The following ARID2 variants were observed in gnomAD, a reference collection of about 807,000 sequenced individuals.
ARID2 encodes AT-rich interactive domain-containing protein 2.
A neutral mutation model predicts 184.6 loss-of-function variants in ARID2; 32 were observed. That is an observed-to-expected ratio of 0.17 (90% CI 0.13 to 0.23). The LOEUF is 0.23. Ranked by LOEUF, ARID2 falls within the 10% of genes least tolerant of loss-of-function variation. The pLI is 1.00. For synonymous variants in ARID2, 836 were observed against 772.6 expected (o/e 1.08, Z -1.36); for missense variants, 1,696 against 2,197.6 (o/e 0.77, Z 4.56).
At chr12:45,879,210 C>G (rs965257995) in intron 16 of ARID2, among the ~76,000 whole-genome samples, 1 of 151,888 alleles carries the variant, frequency 6.6e-6, no homozygotes, top group Non-Finnish European at 1.5e-5. Context: ...TTTTTTTCTC[C>G]TGTGTAAGAC....
chr12:45,892,751 A>G (rs948510825), intron 18 of ARID2, among the ~76,000 whole-genome samples: 14 of 152,242 alleles, frequency 9.2e-5, no homozygotes, highest in Admixed American at 3.3e-4. Flanking sequence ...ATGATGCACT[A>G]TATCTGCTTG....
intron 3 of ARID2, among the ~76,000 whole-genome samples, chr12:45,747,895 T>G (rs1941389449): frequency 6.6e-6 from 1 of 152,152 alleles, no homozygotes; most frequent in Non-Finnish European, 1.5e-5. Context: ...AGGGTAAGAT[T>G]TGAGAGAGTA....
chr12:45,878,147 G>C (rs1374286151), intron 16 of ARID2, among the ~76,000 whole-genome samples: 1 of 152,010 alleles, frequency 6.6e-6, no homozygotes, highest in Non-Finnish European at 1.5e-5. Flanking sequence ...TTCTGTGAAG[G>C]TTTTTTTCTT....
At chr12:45,754,135 C>T (rs1011137759) in intron 3 of ARID2, among the ~76,000 whole-genome samples, 20 of 152,070 alleles carry the variant, frequency 1.3e-4, no homozygotes, top group African/African-American at 4.6e-4. Flanking sequence ...TTTCAAAAAA[C>T]AAACTGTTGA....
intron 3 of ARID2, among the ~76,000 whole-genome samples, chr12:45,740,129 A>G (rs1013636020): frequency 6.6e-6 from 1 of 152,224 alleles, no homozygotes; most frequent in African/African-American, 2.4e-5. Context: ...ACACCATTAA[A>G]GAGTCAAACT....
chr12:45,890,981 A>G (rs1009733287), intron 16 of ARID2, among the ~76,000 whole-genome samples: 2 of 152,102 alleles, frequency 1.3e-5, no homozygotes, highest in Non-Finnish European at 2.9e-5. Flanking sequence ...CCTGGCCAAC[A>G]TGGTGAAACC....
rs2138165760 is a variant in ARID2, at chr12:45,850,871, A to G, written c.2748A>G (p.Gln916=). ...VSSTVVQQPI[Q]QPQQPTQQSV... ...CTACAGTGGTACAGCAGCCTATTCA[A>G]CAACCACAGCAGCCAACCCAACAAA... The change falls in exon 15 of 21, where the codon CAA becomes CAG. Residue 916 remains glutamine, a synonymous_variant. Transcript: ENST00000334344. 5 of 1,614,142 alleles carry G rather than the reference A, an allele frequency of 3.1e-6. No homozygotes were observed. Among genetic ancestry groups the G allele is most frequent in the Non-Finnish European group, 4.2e-6 (5 of 1,180,014 alleles).
intron 2 of ARID2, 148 bp from the exon 3 acceptor site, chr12:45,731,069 T>C (rs529034574): frequency 6.6e-6 from 4 of 609,132 alleles, no homozygotes; most frequent in East Asian, 5.6e-5. Flanking sequence ...AAGAAGCCCT[T>C]GCTTAGTAAC....
intron 4 of ARID2, among the ~76,000 whole-genome samples, chr12:45,817,359 TAAA>T (rs574999558): frequency 1.3e-4 from 19 of 151,640 alleles, no homozygotes; most frequent in African/African-American, 4.1e-4. Flanking sequence ...TCTCAGAAAA[TAAA>T]AAAAGTGCAG....
chr12:45,762,206 C>T (rs1477716761), intron 3 of ARID2, among the ~76,000 whole-genome samples: 2 of 152,048 alleles, frequency 1.3e-5, no homozygotes, highest in African/African-American at 4.8e-5. Flanking sequence ...TCTTAAATAT[C>T]TCTTTAATTT....
At position 45,885,319 on chromosome 12, in the gene ARID2, A is replaced by G. The variant is rs116287808; in HGVS notation, c.4923-6461A>G. Among the ~76,000 whole-genome samples, 1,072 of 152,178 alleles carry G rather than the reference A, an allele frequency of 7.0e-3. 10 individuals carry two copies. The highest frequency in any genetic ancestry group is 0.024 in the African/African-American group (1,013 of 41,520). ...ATAGAGCCTTTTTTAAAACTAAAATATGTTTGCAGTATGAATTTTTTGGAT... is the reference window on the plus strand; with the variant it reads ...ATAGAGCCTTTTTTAAAACTAAAATGTGTTTGCAGTATGAATTTTTTGGAT... On this transcript the variant is annotated intron_variant, in intron 16 of 20. Coordinates refer to ENST00000334344, the MANE Select transcript of ARID2 (RefSeq NM_152641.4).
At chr12:45,863,878 C>T (rs1388677978) in intron 16 of ARID2, among the ~76,000 whole-genome samples, 1 of 128,566 alleles carries the variant, frequency 7.8e-6, no homozygotes, top group Non-Finnish European at 1.6e-5. Context: ...GAGACACAGT[C>T]TCACTATGTC....
Position 45,766,168 on chromosome 12 carries a change from T to G in ARID2, c.284+34854T>G, listed in dbSNP as rs535200162. Among the ~76,000 whole-genome samples the G allele has an allele frequency of 3.3e-5, 5 of 152,172 alleles. No individual in the cohort carries two copies. The South Asian group carries it at 6.2e-4, about 19-fold the overall frequency. On this transcript the variant is annotated intron_variant, in intron 3 of 20. Transcript: ENST00000334344. Reference sequence around the variant, plus strand: ...TATATTGGATATGTTAGGCATATATTTAACTTTTTTTTTTTTTGAGACAGA... The same window carrying G: ...TATATTGGATATGTTAGGCATATATGTAACTTTTTTTTTTTTTGAGACAGA...
At chr12:45,796,301 T>A (rs1201039428) in intron 3 of ARID2, among the ~76,000 whole-genome samples, 2 of 152,108 alleles carry the variant, frequency 1.3e-5, no homozygotes, top group African/African-American at 4.8e-5. Context: ...TATTAAGTAT[T>A]CTTTTACACC....
intron 20 of ARID2, 31 bp from the exon 21 acceptor site, chr12:45,904,903 G>T: frequency 6.2e-7 from 1 of 1,608,506 alleles, no homozygotes; most frequent in Non-Finnish European, 8.5e-7. Flanking sequence ...TGACCTTGGA[G>T]ACTGACAATC....
intron 3 of ARID2, among the ~76,000 whole-genome samples, chr12:45,736,083 G>A (rs902388515): frequency 1.3e-5 from 2 of 152,206 alleles, no homozygotes; most frequent in African/African-American, 2.4e-5. Context: ...GTGGCCGGGC[G>A]TGGTGGCTCA....
chr12:45,775,234 A>G (rs1941953636), intron 3 of ARID2, among the ~76,000 whole-genome samples: 1 of 152,212 alleles, frequency 6.6e-6, no homozygotes, highest in South Asian at 2.1e-4. Flanking sequence ...TGACAACCAG[A>G]ATGTCTAGCT....
chr12:45,791,239 C>A (rs1185120383), intron 3 of ARID2, among the ~76,000 whole-genome samples: 2 of 151,590 alleles, frequency 1.3e-5, no homozygotes. Flanking sequence ...TGTGTGGTAG[C>A]AGTCCTAATG....
At position 45,848,845 on chromosome 12, in the gene ARID2, T is replaced by C; in HGVS notation, c.1590T>C (p.Ala530=). 6.2e-7 allele frequency: 1 copy of C among 1,611,216 alleles called. No individual in the cohort carries two copies. Among genetic ancestry groups the C allele is most frequent in the Non-Finnish European group, 8.5e-7 (1 of 1,178,402 alleles). The change falls in exon 13 of 21, where the codon GCT becomes GCC. Residue 530 remains alanine, a synonymous_variant. Transcript: ENST00000334344. The part of the protein sequence containing the change: ...SEKFACQWLN[A]HFEVNPDCSV... ...TTTTCTCCTCTTTTAGGCTAAATGC[T>C]CATTTTGAAGTAAATCCAGATTGTT...
Sources: gnomAD v4.1 joint callset for allele counts (sites outside exome capture counted in the v4.1 genomes callset) on GRCh38, gnomAD v4.1.1 for gene constraint, MANE v1.5 for transcripts, NCBI Gene and HGNC (gene_info 2026-07-23, HGNC 2026-07-21) for gene names.